Variants in EHBP1L1 observed in about 807,000 individuals in gnomAD.
EHBP1L1 encodes EH domain-binding protein 1-like protein 1.
A neutral mutation model predicts 151.1 loss-of-function variants in EHBP1L1; 122 were observed. The observed-to-expected ratio is 0.81, with a 90% CI of 0.70 to 0.94. The LOEUF is 0.94. Among genes scored for constraint, EHBP1L1 ranks in the 40% least tolerant of loss-of-function variants. The pLI is 0.00. For synonymous variants in EHBP1L1, 878 were observed against 810.1 expected, an observed-to-expected ratio of 1.08 and a Z score of -1.42; for missense variants, 1,941 against 1,959.8, an observed-to-expected ratio of 0.99 and a Z score of 0.18.
Position 65,580,446 on chromosome 11 carries a change from GC to G in EHBP1L1, c.605del (p.Pro202ArgfsTer16). The G allele has an allele frequency of 1.2e-6, 2 of 1,613,304 alleles. No homozygotes were observed. The highest frequency in any genetic ancestry group is 1.7e-6 in the Non-Finnish European group (2 of 1,179,842). ...TGAAGATGAGGCTCATGGCCCAGGA[GC>G]CCCGGAGGCCCGGGCTCGAGTCCCC... ...SDEDEAHGPG[A>X]PEARARVPQP... On this transcript the variant is annotated frameshift_variant, in exon 6 of 19. Coordinates refer to ENST00000309295, the MANE Select transcript of EHBP1L1 (RefSeq NM_001099409.3). LOFTEE classifies it high-confidence loss of function.
intron 12 of EHBP1L1, among the ~76,000 whole-genome samples, chr11:65,589,236 C>A (rs1858130372): frequency 6.6e-6 from 1 of 152,216 alleles, no homozygotes; most frequent in South Asian, 2.1e-4. Context: ...GAAACCCCGT[C>A]TCTACTAAAA....
In EHBP1L1 at chr11:65,583,841, T is replaced by G. The variant is rs1006546979; in HGVS notation, c.3093+76T>G. On this transcript the variant is annotated intron_variant, in intron 9 of 18. Coordinates refer to ENST00000309295, the MANE Select transcript of EHBP1L1 (RefSeq NM_001099409.3). The stretch of plus-strand genomic sequence containing the variant: ...GGGCTGAGCGAACGGCGGCTCTGCA[T>G]GGACCCACCTGGTGGAATGGGATCG... 5 of 1,432,280 alleles carry G rather than the reference T, an allele frequency of 3.5e-6. No homozygotes were observed. In the Admixed American group the frequency reaches 1.4e-4, roughly 41 times the overall value. 88.7% of individuals were successfully genotyped at this position (1,432,280 alleles called of 1,614,324 possible).
At position 65,583,333 on chromosome 11, in the gene EHBP1L1, G is replaced by A; in HGVS notation, c.2661G>A (p.Gln887=). 1.2e-6 allele frequency: 2 copies of A among 1,613,756 alleles called. No individual in the cohort carries two copies. The highest frequency in any genetic ancestry group is 1.7e-6 in the Non-Finnish European group (2 of 1,179,822). Residue 887 remains glutamine, a synonymous_variant, in exon 9 of 19, where the codon CAG becomes CAA. Coordinates refer to ENST00000309295, the MANE Select transcript of EHBP1L1 (RefSeq NM_001099409.3). ...EKEEAQTSGV[Q]EAETRVGSAL... is the part of the protein sequence containing the mutation. ...AAGAGGCTCAGACTTCGGGGGTCCA[G>A]GAAGCAGAGACTAGAGTTGGGAGTG...
chr11:65,589,849 G>A (rs745803806), intron 13 of EHBP1L1, 29 bp downstream of exon 13: 3 of 1,553,222 alleles, frequency 1.9e-6, no homozygotes, highest in Non-Finnish European at 2.6e-6. Flanking sequence ...GACCATCTCA[G>A]TTCAGGCTGC....
chr11:65,585,194 C>T lies in EHBP1L1; in HGVS notation c.3536C>T (p.Ala1179Val), dbSNP rs1565128592. Reference sequence around the variant, plus strand: ...GACGACCTGGACGCCGGAGGCCTGGCGCAGCGGCTGCGCGGTCACGGGGCC... The same window carrying T: ...GACGACCTGGACGCCGGAGGCCTGGTGCAGCGGCTGCGCGGTCACGGGGCC... ...PPDDLDAGGL[A>V]QRLRGHGAEG... Residue 1179 changes from alanine to valine, a missense_variant, in exon 12 of 19, where the codon GCG becomes GTG. Ala to Val is a moderately conservative substitution (Grantham distance 64, BLOSUM62 0). Transcript: ENST00000309295. The surrounding 1 kb of genome is among the most constrained non-coding windows in gnomAD (Gnocchi z 4.0). The T allele has an allele frequency of 3.3e-6, 4 of 1,228,766 alleles. No individual in the cohort carries two copies. Among genetic ancestry groups the T allele is most frequent in the Non-Finnish European group, 4.1e-6 (4 of 982,466 alleles). 76.1% of individuals were successfully genotyped at this position (1,228,766 alleles called of 1,614,324 possible). A position where few individuals can be genotyped will look rare whatever the true frequency, so the allele number is the denominator to read the frequency against.
At chr11:65,584,193 G>A in intron 9 of EHBP1L1, 48 bp from the exon 10 acceptor site, 6 of 1,584,610 alleles carry the variant, frequency 3.8e-6, no homozygotes, top group Non-Finnish European at 4.3e-6. Context: ...GAGGCAGAGG[G>A]CATACATCCC....
intron 16 of EHBP1L1, 114 bp downstream of exon 16, chr11:65,590,706 A>G: frequency 1.0e-6 from 1 of 960,184 alleles, no homozygotes. Context: ...TTCCTCTTCC[A>G]TCTTACTGTT....
Position 65,590,516 on chromosome 11 carries a change from G to A in EHBP1L1, c.4207G>A (p.Val1403Met). Residue 1403 changes from valine to methionine, a missense_variant, in exon 16 of 19, where the codon GTG (valine) becomes ATG (methionine). Transcript: ENST00000309295. ...ESGANKLQEEVLIQEWFTLVN... is the reference protein window; with the variant it reads ...ESGANKLQEEMLIQEWFTLVN... Reference sequence around the variant, plus strand: ...AGGTGCCAACAAGCTGCAGGAGGAGGTGCTGATCCAGGAGTGGTTCACCCT... The same window carrying A: ...AGGTGCCAACAAGCTGCAGGAGGAGATGCTGATCCAGGAGTGGTTCACCCT... 1.2e-6 allele frequency: 2 copies of A among 1,613,490 alleles called. No individual in the cohort carries two copies. The highest frequency in any genetic ancestry group is 1.7e-6 in the Non-Finnish European group (2 of 1,179,808).
intron 11 of EHBP1L1, 128 bp from the exon 12 acceptor site, chr11:65,584,831 G>C: frequency 7.9e-7 from 1 of 1,268,640 alleles, no homozygotes; most frequent in Non-Finnish European, 1.1e-6. Context: ...CTCGCTAGGA[G>C]GGGGCGGTGT....
In EHBP1L1 at chr11:65,592,009, A is replaced by G. The variant is rs1462009102; in HGVS notation, c.4391A>G (p.Glu1464Gly). 6.2e-7 allele frequency: 1 copy of G among 1,613,316 alleles called. No homozygotes were observed. Among genetic ancestry groups the G allele is most frequent in the Admixed American group, 1.7e-5 (1 of 60,018 alleles). The change falls in exon 18 of 19, where the codon GAG (glutamate) becomes GGG (glycine). Residue 1464 changes from glutamate (E) to glycine (G), a missense_variant. Glu to Gly is a moderately conservative substitution (Grantham distance 98). Coordinates refer to ENST00000309295, the MANE Select transcript of EHBP1L1 (RefSeq NM_001099409.3). ...AAAACGTCCGCTCAGCAGCACCGAG[A>G]GCAGCTCCTACTGGAGGAGCTGGTG... ...WQKTSAQQHR[E>G]QLLLEELVSL...
rs775288383 is a variant in EHBP1L1 at position 65,584,479 on chromosome 11, T to C, written c.3252-7T>C. On this transcript the variant is annotated splice_region_variant and splice_polypyrimidine_tract_variant and intron_variant, in intron 10 of 18. Coordinates refer to ENST00000309295, the MANE Select transcript of EHBP1L1 (RefSeq NM_001099409.3). ...GACCCAGCCTCTGACCAGCACACTC[T>C]CTGCAGTGACTATGCCTCGCTAGAC... The C allele has an allele frequency of 1.9e-6, 3 of 1,613,386 alleles. No individual in the cohort carries two copies. The highest frequency in any genetic ancestry group is 2.5e-6 in the Non-Finnish European group (3 of 1,179,770).
Position 65,581,551 on chromosome 11 carries a change from G to A in EHBP1L1, c.879G>A (p.Gln293=). 1 of 1,497,024 alleles carries A rather than the reference G, an allele frequency of 6.7e-7. No homozygotes were observed. Among genetic ancestry groups the A allele is most frequent in the Non-Finnish European group, 8.9e-7 (1 of 1,125,378 alleles). The allele number at this position is 1,497,024 out of a possible 1,614,324, so 92.7% of individuals were successfully genotyped here. ...GCTCTCTTCTCAGGTCTTCAAGGCA[G>A]CCAGCCCAGGACACGGCCCCCACCC... ...ETSPEMRSSR[Q]PAQDTAPTPA... Residue 293 remains glutamine, a synonymous_variant, in exon 9 of 19, where the codon CAG becomes CAA. Coordinates refer to ENST00000309295, the MANE Select transcript of EHBP1L1 (RefSeq NM_001099409.3).
At chr11:65,589,703 G>T in intron 12 of EHBP1L1, 48 bp from the exon 13 acceptor site, 1 of 1,488,320 alleles carries the variant, frequency 6.7e-7, no homozygotes. Flanking sequence ...CCCAGGCCCA[G>T]GCTGGTGGGA....
chr11:65,579,394 G>A lies in EHBP1L1; in HGVS notation c.216G>A (p.Trp72Ter), dbSNP rs1321492907. Residue 72 changes from tryptophan (W) to a stop codon, truncating the protein, a stop_gained, in exon 3 of 19, where the codon TGG (tryptophan) becomes TGA (stop). Transcript: ENST00000309295. LOFTEE classifies it high-confidence loss of function. The stretch of plus-strand genomic sequence containing the variant: ...ACCCATACCGGGGCACCGTGGTGTG[G>A]ATGGTACCTGAGAATGTGGACATCT... ...IQNPYRGTVV[W>*]MVPENVDISV... is the part of the protein sequence containing the mutation. 1 of 1,576,322 alleles carries A rather than the reference G, an allele frequency of 6.3e-7. No individual in the cohort carries two copies. The highest frequency in any genetic ancestry group is 8.6e-7 in the Non-Finnish European group (1 of 1,160,364).
intron 1 of EHBP1L1, among the ~76,000 whole-genome samples, chr11:65,577,841 A>G (rs1857404570): frequency 6.6e-6 from 1 of 152,192 alleles, no homozygotes; most frequent in Admixed American, 6.5e-5. Flanking sequence ...GGGCCTCAGC[A>G]TCCTCAGGGT....
rs1319669664 is a variant in EHBP1L1, at chr11:65,585,495, C to T, written c.3837C>T (p.Asp1279=). The change falls in exon 12 of 19, where the codon GAC becomes GAT. Residue 1279 remains aspartate (D), a synonymous_variant. Transcript: ENST00000309295. The surrounding 1 kb of genome is among the most constrained non-coding windows in gnomAD (Gnocchi z 4.0). The part of the protein sequence containing the change: ...RAHGSFSHVR[D]ADLLKKRRSR... ...ACGGCTCCTTCTCCCACGTGCGCGA[C>T]GCGGACCTGCTCAAGAAGAGGCGCT... 2 of 1,552,588 alleles carry T rather than the reference C, an allele frequency of 1.3e-6. No individual in the cohort carries two copies. Among genetic ancestry groups the T allele is most frequent in the Admixed American group, 1.9e-5 (1 of 52,876 alleles).
chr11:65,579,527 A>G (rs1453716636), intron 3 of EHBP1L1, 91 bp downstream of exon 3: 2 of 1,125,434 alleles, frequency 1.8e-6, no homozygotes, highest in Non-Finnish European at 2.4e-6. Context: ...TTGTTCATCC[A>G]GATAGAAGAG....
intron 12 of EHBP1L1, among the ~76,000 whole-genome samples, chr11:65,586,967 C>T (rs1858002942): frequency 1.3e-5 from 2 of 152,144 alleles, no homozygotes; most frequent in South Asian, 4.1e-4. Context: ...ATTGGCCACC[C>T]CCCTCCCCCA....
rs762193910 is a variant in EHBP1L1 at position 65,581,675 on chromosome 11, T to C, written c.1003T>C (p.Leu335=). 4.3e-5 allele frequency: 67 copies of C among 1,569,156 alleles called. No individual in the cohort carries two copies. In the Admixed American group the frequency reaches 4.5e-4, roughly 11 times the overall value. ...AGCCTCAGGGGCTCCTCCAGCAGGA[T>C]TGGGCTCTGCTAGGGAGACCCAGGC... The part of the protein sequence containing the change: ...PKASGAPPAG[L]GSARETQAQA... The change falls in exon 9 of 19, where the codon TTG becomes CTG. Residue 335 remains leucine, a synonymous_variant. Coordinates refer to ENST00000309295, the MANE Select transcript of EHBP1L1 (RefSeq NM_001099409.3).
Sources: gnomAD v4.1 joint callset for allele counts (sites outside exome capture counted in the v4.1 genomes callset) on GRCh38, gnomAD v4.1.1 for gene constraint, Gnocchi (gnomAD v3.1) non-coding constraint, MANE v1.5 for transcripts, NCBI Gene and HGNC (gene_info 2026-07-23, HGNC 2026-07-21) for gene names.